DYNC1LI1: variants seen among roughly 807,000 people sequenced by gnomAD.
DYNC1LI1 encodes the protein cytoplasmic dynein 1 light intermediate chain 1.
In DYNC1LI1, 19 loss-of-function variants were observed where a neutral mutation model predicts 63.8. That is an observed-to-expected ratio of 0.30 (90% CI 0.21 to 0.44). The LOEUF is 0.44. Ranked by LOEUF, DYNC1LI1 falls within the 20% of genes least tolerant of loss-of-function variation. The pLI is 1.00. For missense variants in DYNC1LI1, 565 were observed against 630.2 expected, an observed-to-expected ratio of 0.90 and a Z score of 1.11; for synonymous variants, 225 against 232.3, an observed-to-expected ratio of 0.97 and a Z score of 0.28.
At chr3:32,562,986 C>T (rs1401773645) in intron 2 of DYNC1LI1, among the ~76,000 whole-genome samples, 2 of 152,050 alleles carry the variant, frequency 1.3e-5, no homozygotes, top group African/African-American at 4.8e-5. Context: ...TCAGATACCA[C>T]CTCATCCGCA....
At position 32,530,364 on chromosome 3, in the gene DYNC1LI1, C is replaced by A. The variant is rs115854413; in HGVS notation, c.1141-36G>T. ...AAAAAAAAAAGAATCCTAGTTTAGA[C>A]ATTCATAGCATATACTGGTGTATTT... On this transcript the variant is annotated intron_variant, in intron 9 of 12. Transcript: ENST00000273130. 2.6e-3 allele frequency: 4,025 copies of A among 1,562,568 alleles called. 99 individuals are homozygous for A. In the African/African-American group the frequency reaches 0.051, roughly 20 times the overall value.
At chr3:32,567,839 G>T (rs975338288) in intron 2 of DYNC1LI1, among the ~76,000 whole-genome samples, 2 of 152,026 alleles carry the variant, frequency 1.3e-5, no homozygotes, top group African/African-American at 2.4e-5. Context: ...GAGTAACTGG[G>T]ATTACAGGTG....
At chr3:32,546,361 T>C (rs9852510) in intron 2 of DYNC1LI1, among the ~76,000 whole-genome samples, 4,484 of 152,140 alleles carry the variant, frequency 0.029, 232 homozygotes, top group African/African-American at 0.1. Flanking sequence ...TGAGCCAAGA[T>C]TGTGCCACTG....
chr3:32,536,590 T>G (rs544455248), intron 6 of DYNC1LI1, among the ~76,000 whole-genome samples: 15 of 152,148 alleles, frequency 9.9e-5, no homozygotes, highest in Non-Finnish European at 1.6e-4. Context: ...GAGCCAGATT[T>G]TGAAACCACT....
At chr3:32,534,451 T>C (rs1697748094) in intron 7 of DYNC1LI1, 60 bp downstream of exon 7, 7 of 1,262,248 alleles carry the variant, frequency 5.5e-6, no homozygotes, top group Non-Finnish European at 3.3e-6. Flanking sequence ...GAAATAATGA[T>C]TCACCATCAA....
intron 2 of DYNC1LI1, among the ~76,000 whole-genome samples, chr3:32,568,364 T>C (rs1698297316): frequency 6.6e-6 from 1 of 152,222 alleles, no homozygotes; most frequent in South Asian, 2.1e-4. Context: ...AACTCTATTT[T>C]TGTAACCAGT....
intron 2 of DYNC1LI1, among the ~76,000 whole-genome samples, chr3:32,553,864 A>G (rs1290337750): frequency 6.6e-6 from 1 of 152,240 alleles, no homozygotes; most frequent in Non-Finnish European, 1.5e-5. Context: ...GCCAAGGCAC[A>G]TTCTTCCTAA....
chr3:32,568,069 C>T (rs1402183854), intron 2 of DYNC1LI1, among the ~76,000 whole-genome samples: 1 of 152,148 alleles, frequency 6.6e-6, no homozygotes, highest in Non-Finnish European at 1.5e-5. Flanking sequence ...AACTCCTGAG[C>T]TCAAACGATC....
chr3:32,543,460 C>T (rs1197628477), intron 4 of DYNC1LI1, among the ~76,000 whole-genome samples: 5 of 141,858 alleles, frequency 3.5e-5, no homozygotes, highest in East Asian at 2.1e-4. Context: ...AGTACAGTGG[C>T]GCAATCTCAG....
In DYNC1LI1 at chr3:32,532,979, T is replaced by C. The variant is rs201534920; in HGVS notation, c.1080+7A>G. On this transcript the variant is annotated splice_region_variant and intron_variant, in intron 8 of 12. Transcript: ENST00000273130. ...TAAATATTGAGATTATTTACTAAAA[T>C]GGTTACCTTTCGAACAGGTGGTTTA... 1,411 of 1,565,530 alleles carry C rather than the reference T, an allele frequency of 9.0e-4. 3 individuals carry two copies. The highest frequency in any genetic ancestry group is 1.1e-3 in the Non-Finnish European group (1,270 of 1,165,090).
At position 32,563,327 on chromosome 3, in the gene DYNC1LI1, G is replaced by A. The variant is rs569203232; in HGVS notation, c.220+7019C>T. Among the ~76,000 whole-genome samples the A allele has an allele frequency of 2.4e-3, 355 of 147,790 alleles. 1 individual carries two copies. Among genetic ancestry groups the A allele is most frequent in the Non-Finnish European group, 4.2e-3 (282 of 67,260 alleles). The stretch of plus-strand genomic sequence containing the variant: ...TTTTTTTGAGATGGAGTCTTGCTTG[G>A]TCACCCAGGCTGGAGTGCGGTGGCA... On this transcript the variant is annotated intron_variant, in intron 2 of 12. Transcript: ENST00000273130.
chr3:32,543,988 G>T (rs1228669518), intron 4 of DYNC1LI1, among the ~76,000 whole-genome samples: 1 of 151,610 alleles, frequency 6.6e-6, no homozygotes, highest in East Asian at 2.0e-4. Context: ...GAGCTGGTGG[G>T]GGGGCGGGCA....
intron 1 of DYNC1LI1, 41 bp from the exon 2 acceptor site, chr3:32,570,460 G>A: frequency 1.9e-6 from 3 of 1,545,904 alleles, no homozygotes; most frequent in Non-Finnish European, 2.6e-6. Flanking sequence ...GGAGGCCGGA[G>A]CCGCAGCGCG....
In DYNC1LI1 at chr3:32,562,007, G is replaced by A. The variant is rs147298825; in HGVS notation, c.220+8339C>T. 3.5e-4 allele frequency among the ~76,000 whole-genome samples: 54 copies of A among 152,202 alleles called. 1 individual carries two copies. Among genetic ancestry groups the A allele is most frequent in the African/African-American group, 1.1e-3 (47 of 41,506 alleles). Reference sequence around the variant, plus strand: ...AACATGACCTGGTGTGTTAATAGACGCTCATACCTATAACCCTAGCACTTT... The same window carrying A: ...AACATGACCTGGTGTGTTAATAGACACTCATACCTATAACCCTAGCACTTT... On this transcript the variant is annotated intron_variant, in intron 2 of 12. Transcript: ENST00000273130.
At chr3:32,553,194 G>A (rs1698067904) in intron 2 of DYNC1LI1, among the ~76,000 whole-genome samples, 1 of 152,124 alleles carries the variant, frequency 6.6e-6, no homozygotes, top group African/African-American at 2.4e-5. Flanking sequence ...AATTGGCCAG[G>A]TGTGGTGGTG....
At chr3:32,565,473 T>C (rs1474639525) in intron 2 of DYNC1LI1, among the ~76,000 whole-genome samples, 2 of 152,242 alleles carry the variant, frequency 1.3e-5, no homozygotes, top group Non-Finnish European at 2.9e-5. Context: ...TTGCTTGCAC[T>C]AAAAGATACA....
intron 7 of DYNC1LI1, 58 bp from the exon 8 acceptor site, chr3:32,533,155 AG>A: frequency 6.7e-7 from 1 of 1,499,852 alleles, no homozygotes; most frequent in Non-Finnish European, 8.8e-7. Flanking sequence ...TCTTTCATTC[AG>A]TCCAAGATCA....
intron 10 of DYNC1LI1, 48 bp downstream of exon 10, chr3:32,530,236 T>C (rs780856138): frequency 2.5e-5 from 37 of 1,459,830 alleles, no homozygotes; most frequent in South Asian, 2.1e-4. Context: ...ATAACTAAAA[T>C]AATATGTACT....
chr3:32,555,172 G>A (rs1240944886), intron 2 of DYNC1LI1, among the ~76,000 whole-genome samples: 1 of 152,060 alleles, frequency 6.6e-6, no homozygotes, highest in Non-Finnish European at 1.5e-5. Context: ...TCAGACCCTG[G>A]TAATTGAAAA....
Sources: gnomAD v4.1 joint callset for allele counts (sites outside exome capture counted in the v4.1 genomes callset) on GRCh38, gnomAD v4.1.1 for gene constraint, MANE v1.5 for transcripts, NCBI Gene and HGNC (gene_info 2026-07-23, HGNC 2026-07-21) for gene names.